ZNF521: variants seen among roughly 807,000 people sequenced by gnomAD.
ZNF521 encodes zinc finger protein 521, also known as LYST-interacting protein 3.
Under a neutral mutation model 105.5 loss-of-function variants are expected in ZNF521, and 14 were observed. The observed-to-expected ratio is 0.13, with a 90% CI of 0.09 to 0.21. The LOEUF is 0.21. ZNF521 is among the 10% of genes least tolerant of loss of function. The pLI is 1.00. For missense variants in ZNF521, 1,233 were observed against 1,629.7 expected (o/e 0.76, Z 4.19); for synonymous variants, 635 against 606.0 (o/e 1.05, Z -0.70).
intron 2 of ZNF521, among the ~76,000 whole-genome samples, chr18:25,341,384 C>T (rs1914192433): frequency 6.6e-6 from 1 of 152,134 alleles, no homozygotes. Context: ...TACACATTCT[C>T]CAAGAACCTC....
At position 25,208,952 on chromosome 18, in the gene ZNF521, G is replaced by A. The variant is rs779497742; in HGVS notation, c.3574-13708C>T. Among the ~76,000 whole-genome samples, 17 of 152,142 alleles carry A rather than the reference G, an allele frequency of 1.1e-4. 1 individual carries two copies. The highest frequency in any genetic ancestry group is 9.8e-4 in the Admixed American group (15 of 15,286). ...ATTTTTGCTTCCTACTGCCTAAGCC[G>A]AACTTAAATGTAAAATTTCGAAGAT... On this transcript the variant is annotated intron_variant, in intron 4 of 7. Coordinates refer to ENST00000361524, the MANE Select transcript of ZNF521 (RefSeq NM_015461.3).
Position 25,225,519 on chromosome 18 carries a change from C to T in ZNF521, c.2399G>A (p.Cys800Tyr). 6.2e-7 allele frequency: 1 copy of T among 1,614,192 alleles called. No homozygotes were observed. Among genetic ancestry groups the T allele is most frequent in the South Asian group, 1.1e-5 (1 of 91,086 alleles). The change falls in exon 4 of 8, where the codon TGC (cysteine) becomes TAC (tyrosine). Residue 800 changes from cysteine (C) to tyrosine (Y), a missense_variant. This residue lies in a region of ZNF521 where 614 missense variants were observed against 751.5 expected (regional missense o/e 0.82). Transcript: ENST00000361524. This position sits in a 1 kb window ranked among gnomAD's most constrained non-coding sequence, Gnocchi z 5.6. Reference protein sequence around the residue: ...ESFGTEVELQCHITTHSKKYN... With the variant: ...ESFGTEVELQYHITTHSKKYN... Reference sequence around the variant, plus strand: ...CTTCTTACTGTGAGTGGTGATGTGGCATTGCAGCTCCACCTCGGTGCCAAA... The same window carrying T: ...CTTCTTACTGTGAGTGGTGATGTGGTATTGCAGCTCCACCTCGGTGCCAAA...
intron 3 of ZNF521, among the ~76,000 whole-genome samples, chr18:25,290,582 T>C (rs1910955310): frequency 6.6e-6 from 1 of 151,578 alleles, no homozygotes; most frequent in South Asian, 2.1e-4. Flanking sequence ...AGAAGTTCAG[T>C]GTTTGATGCA....
At chr18:25,348,884 A>T (rs1914577407) in intron 2 of ZNF521, among the ~76,000 whole-genome samples, 1 of 152,126 alleles carries the variant, frequency 6.6e-6, no homozygotes, top group Non-Finnish European at 1.5e-5. Context: ...GATTCCCTTT[A>T]CTGCCCATAA....
chr18:25,224,313 T>A (rs766017325), intron 4 of ZNF521, 32 bp downstream of exon 4: 2 of 1,572,896 alleles, frequency 1.3e-6, no homozygotes, highest in Non-Finnish European at 1.7e-6. Flanking sequence ...CTTGAGGAGG[T>A]TAAATAGCAA....
chr18:25,131,996 G>A (rs1044442840), intron 5 of ZNF521, among the ~76,000 whole-genome samples: 17 of 152,044 alleles, frequency 1.1e-4, no homozygotes, highest in Non-Finnish European at 2.2e-4. Context: ...TAGAAAGAAA[G>A]GATTTTTTAA....
chr18:25,199,715 T>C (rs1280653804), intron 4 of ZNF521, among the ~76,000 whole-genome samples: 1 of 152,092 alleles, frequency 6.6e-6, no homozygotes, highest in Non-Finnish European at 1.5e-5. Flanking sequence ...TCATAACATG[T>C]AGTTTTTAGA....
At chr18:25,232,134 T>C (rs1183391814) in intron 3 of ZNF521, among the ~76,000 whole-genome samples, 2 of 152,194 alleles carry the variant, frequency 1.3e-5, no homozygotes, top group Non-Finnish European at 2.9e-5. Context: ...GAAGCACAAA[T>C]ACTGATGGGT....
chr18:25,126,487 A>G (rs2034541773), intron 5 of ZNF521, among the ~76,000 whole-genome samples: 1 of 152,086 alleles, frequency 6.6e-6, no homozygotes, highest in Non-Finnish European at 1.5e-5. Context: ...ACAGATATTT[A>G]CTTCCTTCTC....
rs140956783 is a variant in ZNF521, at chr18:25,225,535, C to T, written c.2383G>A (p.Glu795Lys). 6 of 1,614,092 alleles carry T rather than the reference C, an allele frequency of 3.7e-6. No homozygotes were observed. The highest frequency in any genetic ancestry group is 5.1e-6 in the Non-Finnish European group (6 of 1,180,042). The part of the protein sequence containing the change: ...CIFCGESFGT[E>K]VELQCHITTH... ...GTGATGTGGCATTGCAGCTCCACCT[C>T]GGTGCCAAAGGACTCACCGCAGAAA... Residue 795 changes from glutamate to lysine, a missense_variant, in exon 4 of 8, where the codon GAG becomes AAG. Around this residue, in one of 6 missense-constraint regions of ZNF521, gnomAD observed 614 missense variants for 751.5 expected, o/e 0.82. Transcript: ENST00000361524. This position sits in a 1 kb window ranked among gnomAD's most constrained non-coding sequence, Gnocchi z 5.6.
At chr18:25,253,109 C>A (rs897969815) in intron 3 of ZNF521, among the ~76,000 whole-genome samples, 1 of 152,104 alleles carries the variant, frequency 6.6e-6, no homozygotes, top group African/African-American at 2.4e-5. Context: ...TGCTGACATG[C>A]CATTTTATTA....
chr18:25,116,902 T>TATATAC (rs1157129183), intron 5 of ZNF521, among the ~76,000 whole-genome samples: 2 of 142,482 alleles, frequency 1.4e-5, no homozygotes, highest in African/African-American at 5.4e-5. Flanking sequence ...TATATATATG[T>TATATAC]GTATATATAC....
intron 5 of ZNF521, among the ~76,000 whole-genome samples, chr18:25,179,277 C>G (rs1162990627): frequency 6.6e-6 from 1 of 151,124 alleles, no homozygotes; most frequent in Non-Finnish European, 1.5e-5. Flanking sequence ...CCTCAGCCTC[C>G]AGAGTAGCTA....
At chr18:25,162,222 G>T (rs1007617703) in intron 5 of ZNF521, among the ~76,000 whole-genome samples, 1 of 151,626 alleles carries the variant, frequency 6.6e-6, no homozygotes, top group Non-Finnish European at 1.5e-5. Flanking sequence ...GAATTGATGG[G>T]AAAAAAAGGC....
At chr18:25,337,042 T>C (rs899583324) in intron 2 of ZNF521, among the ~76,000 whole-genome samples, 1 of 152,168 alleles carries the variant, frequency 6.6e-6, no homozygotes, top group Admixed American at 6.6e-5. Flanking sequence ...GATTAGAATT[T>C]CAACCCAGAG....
chr18:25,064,184 C>A (rs62082217), intron 7 of ZNF521, among the ~76,000 whole-genome samples: 1 of 152,156 alleles, frequency 6.6e-6, no homozygotes, highest in South Asian at 2.1e-4. Context: ...TGCCTTCATG[C>A]CTTCAAAGTG....
intron 4 of ZNF521, among the ~76,000 whole-genome samples, chr18:25,197,252 T>C (rs962642534): frequency 3.3e-5 from 5 of 151,868 alleles, no homozygotes; most frequent in African/African-American, 1.2e-4. Flanking sequence ...TTCTTATCTA[T>C]AAGCTCCTAA....
At chr18:25,189,035 G>T (rs756571181) in intron 5 of ZNF521, among the ~76,000 whole-genome samples, 6 of 152,170 alleles carry the variant, frequency 3.9e-5, no homozygotes, top group Non-Finnish European at 7.4e-5. Flanking sequence ...TAAAACACAT[G>T]ATTTGTCTTT....
intron 3 of ZNF521, among the ~76,000 whole-genome samples, chr18:25,294,066 T>C (rs986100708): frequency 6.6e-6 from 1 of 152,154 alleles, no homozygotes; most frequent in African/African-American, 2.4e-5. Context: ...CTTTGATCCA[T>C]TACAATATAA....
Sources: gnomAD v4.1 joint callset for allele counts (sites outside exome capture counted in the v4.1 genomes callset) on GRCh38, gnomAD v4.1.1 for gene constraint, gnomAD v4.1.1 regional missense constraint, Gnocchi (gnomAD v3.1) non-coding constraint, MANE v1.5 for transcripts, NCBI Gene and HGNC (gene_info 2026-07-23, HGNC 2026-07-21) for gene names.